AFM: variants seen among roughly 807,000 people sequenced by gnomAD.
AFM encodes the protein alpha-Alb.
AFM carries 82 observed loss-of-function variants against 68.7 expected under a neutral mutation model. That is an observed-to-expected ratio of 1.19 (90% CI 1.00 to 1.43). The LOEUF is 1.43. Among genes scored for constraint, AFM ranks in the 40% most tolerant of loss-of-function variants. The pLI is 0.00. For synonymous variants in AFM, 250 were observed against 234.2 expected (o/e 1.07, Z -0.61); for missense variants, 772 against 701.8 (o/e 1.10, Z -1.13).
chr4:73,484,255 C>T lies in AFM; in HGVS notation c.138-3C>T, dbSNP rs376128176. ...TTTGTATACCCCATGTGAACTGTTG[C>T]AGCACCATCATTGCATTTGCTCAGT... On this transcript the variant is annotated splice_region_variant and splice_polypyrimidine_tract_variant and intron_variant, in intron 2 of 14. Coordinates refer to ENST00000226355, the MANE Select transcript of AFM (RefSeq NM_001133.2). The T allele has an allele frequency of 2.0e-5, 32 of 1,606,220 alleles. No individual in the cohort carries two copies. The African/African-American group carries it at 4.0e-4, about 20-fold the overall frequency.
rs777843991 is a variant in AFM, at chr4:73,501,798, A to T, written c.1658A>T (p.Asn553Ile). 6.2e-7 allele frequency: 1 copy of T among 1,612,504 alleles called. No homozygotes were observed. Among genetic ancestry groups the T allele is most frequent in the African/African-American group, 1.3e-5 (1 of 74,856 alleles). ...TCTTTTGGCCACAGGTTTCTTGTCA[A>T]CTTAGTGAAGCTGAAGCATGAACTC... is the stretch of plus-strand genomic sequence containing the variant. ...LQRKTDRFLV[N>I]LVKLKHELTD... The change falls in exon 13 of 15, where the codon AAC becomes ATC. Residue 553 changes from asparagine (N) to isoleucine (I), a missense_variant. Physicochemically the swap from Asn to Ile is moderately radical, Grantham distance 149 (BLOSUM62 -3). Coordinates refer to ENST00000226355, the MANE Select transcript of AFM (RefSeq NM_001133.2).
intron 2 of AFM, 79 bp from the exon 3 acceptor site, chr4:73,484,179 G>A (rs2149342335): frequency 1.3e-6 from 2 of 1,510,154 alleles, no homozygotes; most frequent in South Asian, 2.8e-5. Flanking sequence ...GGCTAGTCAG[G>A]ATGTTCCTGT....
intron 1 of AFM, 42 bp from the exon 2 acceptor site, chr4:73,483,887 GAAAAATGTTAGA>G (rs967906821): frequency 3.3e-5 from 47 of 1,406,932 alleles, no homozygotes; most frequent in Non-Finnish European, 4.4e-5. Context: ...TTATTTATTT[GAAAAATGTTAGA>G]AAACCATGCT....
Position 73,502,042 on chromosome 4 carries a change from A to G in AFM, c.1779+123A>G, listed in dbSNP as rs1721437749. On this transcript the variant is annotated intron_variant, in intron 13 of 14. Transcript: ENST00000226355. ...TACCAGGACTACATTTGAGAGCACA[A>G]TTGCTACACAACTAATATGTAGACA... The G allele has an allele frequency of 9.7e-6, 10 of 1,034,036 alleles. 1 individual carries two copies. Among genetic ancestry groups the G allele is most frequent in the South Asian group, 7.0e-5 (4 of 57,548 alleles). The allele number at this position is 1,034,036 out of a possible 1,614,324, so 64.1% of individuals were successfully genotyped here.
chr4:73,491,088 G>T (rs571841242), intron 7 of AFM, among the ~76,000 whole-genome samples: 1 of 152,190 alleles, frequency 6.6e-6, no homozygotes, highest in Non-Finnish European at 1.5e-5. Context: ...CTGAAACGGA[G>T]AGGGGAAATA....
intron 10 of AFM, 22 bp downstream of exon 10, chr4:73,497,771 G>T (rs1577980280): frequency 2.8e-6 from 4 of 1,424,382 alleles, no homozygotes; most frequent in Middle Eastern, 3.5e-4. Context: ...GCACAAGTGG[G>T]CTAACACTTG....
chr4:73,501,711 G>A (rs1165273604), intron 12 of AFM, 76 bp from the exon 13 acceptor site: 1 of 1,487,698 alleles, frequency 6.7e-7, no homozygotes, highest in Non-Finnish European at 9.1e-7. Flanking sequence ...ACGTGATTCT[G>A]TAACAAGCAT....
Position 73,499,241 on chromosome 4 carries a change from A to G in AFM, c.1417A>G (p.Asn473Asp). The G allele has an allele frequency of 6.2e-7, 1 of 1,606,506 alleles. No individual in the cohort carries two copies. ...TLSEEFACVD[N>D]LADLVFGELC... Reference sequence around the variant, plus strand: ...AAGTGAAGAGTTTGCCTGTGTTGATAATTTGGTGAGCATGGCCTGTGTACC... The same window carrying G: ...AAGTGAAGAGTTTGCCTGTGTTGATGATTTGGTGAGCATGGCCTGTGTACC... The change falls in exon 11 of 15, where the codon AAT becomes GAT. Residue 473 changes from asparagine (N) to aspartate (D), a missense_variant. Coordinates refer to ENST00000226355, the MANE Select transcript of AFM (RefSeq NM_001133.2).
chr4:73,484,122 C>G (rs993765401), intron 2 of AFM, 133 bp downstream of exon 2: 2 of 1,391,452 alleles, frequency 1.4e-6, no homozygotes, highest in African/African-American at 3.0e-5. Context: ...AAAATTCAGG[C>G]AAAGAAGTTG....
At chr4:73,497,035 C>A (rs770534951) in intron 9 of AFM, among the ~76,000 whole-genome samples, 1 of 152,126 alleles carries the variant, frequency 6.6e-6, no homozygotes, top group Non-Finnish European at 1.5e-5. Context: ...AAAATTCTCT[C>A]TTTTCATGGA....
chr4:73,496,891 T>G (rs1721274408), intron 9 of AFM, among the ~76,000 whole-genome samples: 1 of 152,138 alleles, frequency 6.6e-6, no homozygotes, highest in Non-Finnish European at 1.5e-5. Flanking sequence ...AGCAAAACAT[T>G]TTTTTTCACT....
intron 9 of AFM, among the ~76,000 whole-genome samples, chr4:73,496,920 A>C (rs1279437112): frequency 6.6e-6 from 1 of 152,148 alleles, no homozygotes; most frequent in Non-Finnish European, 1.5e-5. Context: ...ACACCAGTTT[A>C]TACCCACTCA....
At position 73,501,814 on chromosome 4, in the gene AFM, G is replaced by C; in HGVS notation, c.1674G>C (p.Lys558Asn). 1 of 1,613,218 alleles carries C rather than the reference G, an allele frequency of 6.2e-7. No individual in the cohort carries two copies. The highest frequency in any genetic ancestry group is 8.5e-7 in the Non-Finnish European group (1 of 1,179,540). ...TTCTTGTCAACTTAGTGAAGCTGAA[G>C]CATGAACTCACAGATGAAGAGCTGC... ...DRFLVNLVKL[K>N]HELTDEELQS... is the part of the protein sequence containing the mutation. Residue 558 changes from lysine to asparagine, a missense_variant, in exon 13 of 15, where the codon AAG (lysine) becomes AAC (asparagine). Transcript: ENST00000226355.
chr4:73,499,584 C>T (rs1721362085), intron 11 of AFM, among the ~76,000 whole-genome samples: 1 of 151,982 alleles, frequency 6.6e-6, no homozygotes, highest in African/African-American at 2.4e-5. Flanking sequence ...CAGATTCTTC[C>T]TCTTGGCCCC....
rs146703249 is a variant in AFM at position 73,488,662 on chromosome 4, A to G, written c.746A>G (p.Lys249Arg). ...YIAILSQKFPKIEFKELISLV... is the reference protein window; with the variant it reads ...YIAILSQKFPRIEFKELISLV... ...GCGATACTCAGTCAAAAATTCCCCA[A>G]GATTGAATTTAAGGAGCTTATTTCT... is the stretch of plus-strand genomic sequence containing the variant. The change falls in exon 7 of 15, where the codon AAG (lysine) becomes AGG (arginine). Residue 249 changes from lysine (K) to arginine (R), a missense_variant. Transcript: ENST00000226355. 4 of 1,611,700 alleles carry G rather than the reference A, an allele frequency of 2.5e-6. No individual in the cohort carries two copies. In the African/African-American group the frequency reaches 4.0e-5, roughly 16 times the overall value.
In AFM at chr4:73,503,889, T is replaced by C. The variant is rs1167989368; in HGVS notation, c.*54T>C. The stretch of plus-strand genomic sequence containing the variant: ...TTCTCTTTCCAGGGAAGGCTTCCTA[T>C]CTGTGTGGTGATGAATCGCATTTCC... On this transcript the variant is annotated 3_prime_UTR_variant, in exon 15 of 15. Coordinates refer to ENST00000226355, the MANE Select transcript of AFM (RefSeq NM_001133.2). 6.6e-6 allele frequency: 1 copy of C among 152,172 alleles called. No individual in the cohort carries two copies. Among genetic ancestry groups the C allele is most frequent in the Non-Finnish European group, 1.5e-5 (1 of 68,024 alleles). The allele number at this position is 152,172 out of a possible 1,614,324, so 9.4% of individuals were successfully genotyped here. A position where few individuals can be genotyped will look rare whatever the true frequency, so the allele number is the denominator to read the frequency against.
At chr4:73,484,562 A>C (rs1577972099) in intron 3 of AFM, among the ~76,000 whole-genome samples, 172 bp downstream of exon 3, 1 of 138,764 alleles carries the variant, frequency 7.2e-6, no homozygotes, top group African/African-American at 2.7e-5. Flanking sequence ...CTTGAAACAG[A>C]GTCTCGCTCT....
At chr4:73,502,938 C>G in intron 13 of AFM, 112 bp from the exon 14 acceptor site, 3 of 1,002,152 alleles carry the variant, frequency 3.0e-6, no homozygotes, top group Non-Finnish European at 4.7e-6. Context: ...CCCTGTACAA[C>G]GTGGGAATGA....
intron 8 of AFM, among the ~76,000 whole-genome samples, chr4:73,493,257 A>G (rs1370730688): frequency 6.6e-6 from 1 of 152,224 alleles, no homozygotes; most frequent in African/African-American, 2.4e-5. Context: ...GTTTTAATGG[A>G]AGAATGAGGA....
Sources: allele counts gnomAD v4.1 joint callset (sites outside exome capture counted in the v4.1 genomes callset), GRCh38; gene constraint gnomAD v4.1.1; transcripts MANE v1.5; gene names NCBI Gene and HGNC (gene_info 2026-07-23, HGNC 2026-07-21).